The following COL4A5 variants were observed in gnomAD, a reference collection of about 807,000 sequenced individuals.
The protein encoded by COL4A5 is collagen alpha-5(IV) chain.
Under a neutral mutation model 130.2 loss-of-function variants are expected in COL4A5, and 26 were observed. That is an observed-to-expected ratio of 0.20 (90% CI 0.15 to 0.28). The LOEUF is 0.28. COL4A5 is among the 10% of genes least tolerant of loss of function. The pLI, the probability that COL4A5 is intolerant of heterozygous loss-of-function variation, is 1.00. For synonymous variants in COL4A5, 496 were observed against 439.6 expected (o/e 1.13, Z -1.60); for missense variants, 1,131 against 1,344.3 (o/e 0.84, Z 2.48).
In COL4A5 at chrX:108,625,707, C is replaced by T. The variant is rs769889339; in HGVS notation, c.3019C>T (p.Pro1007Ser). 8 of 1,190,081 alleles carry T rather than the reference C, an allele frequency of 6.7e-6. No individual in the cohort carries two copies. The South Asian group carries it at 1.1e-4, about 16-fold the overall frequency. The change falls in exon 35 of 53, where the codon CCC becomes TCC. Residue 1007 changes from proline to serine, a missense_variant and splice_region_variant. Transcript: ENST00000328300. ...GQPGLPGPPG[P>S]KGNPGLPGQP... ...TTTTACCAATTTGACCTTTCTAGGT[C>T]CCAAAGGTAACCCTGGTCTCCCTGG... is the stretch of plus-strand genomic sequence containing the variant.
At chrX:108,554,441 G>A (rs752264860) in intron 2 of COL4A5, among the ~76,000 whole-genome samples, 4 of 111,199 alleles carry the variant, frequency 3.6e-5, no homozygotes, top group Non-Finnish European at 7.5e-5. Flanking sequence ...GGGGAAACTG[G>A]CCCCATGATC....
rs1486934440 is a variant in COL4A5 at position 108,539,805 on chromosome X, G to T, written c.141G>T (p.Lys47Asn). 8.3e-7 allele frequency: 1 copy of T among 1,198,530 alleles called. No homozygotes were observed. The change falls in exon 2 of 53, where the codon AAG (lysine) becomes AAT (asparagine). Residue 47 changes from lysine (K) to asparagine (N), a missense_variant and splice_region_variant. Coordinates refer to ENST00000328300, the MANE Select transcript of COL4A5 (RefSeq NM_033380.3). ...KCDCSGIKGE[K>N]GERGFPGLEG... ...ACTGCAGTGGCATAAAAGGGGAAAA[G>T]GTGAGGTCTTAGATTGGCATTTGAA...
intron 9 of COL4A5, among the ~76,000 whole-genome samples, chrX:108,574,588 A>C (rs2066115292): frequency 8.9e-6 from 1 of 111,746 alleles, no homozygotes; most frequent in African/African-American, 3.2e-5. Context: ...ATATATTTCT[A>C]AGCAATAGAA....
At chrX:108,512,923 A>G (rs2065191804) in intron 1 of COL4A5, among the ~76,000 whole-genome samples, 1 of 110,957 alleles carries the variant, frequency 9.0e-6, no homozygotes, top group Admixed American at 9.6e-5. Context: ...ACTGGGGTTT[A>G]TTTCATCCCT....
At chrX:108,664,817 T>C (rs764703138) in intron 37 of COL4A5, among the ~76,000 whole-genome samples, 1 of 111,967 alleles carries the variant, frequency 8.9e-6, no homozygotes, top group Non-Finnish European at 1.9e-5. Context: ...AGGTGATCGA[T>C]GTCGTTAGCC....
At position 108,487,888 on chromosome X, in the gene COL4A5, C is replaced by A. The variant is rs547002875; in HGVS notation, c.81+47682C>A. 1.7e-4 allele frequency among the ~76,000 whole-genome samples: 19 copies of A among 112,140 alleles called. No individual in the cohort carries two copies. In the South Asian group the frequency reaches 7.1e-3, roughly 42 times the overall value. ...ATTTTGTGACTGAAATAAAATGGTA[C>A]CTTTCGTTCTTACCCTGCCCCAAGG... On this transcript the variant is annotated intron_variant, in intron 1 of 52. Coordinates refer to ENST00000328300, the MANE Select transcript of COL4A5 (RefSeq NM_033380.3).
chrX:108,493,564 T>A (rs911204452), intron 1 of COL4A5, among the ~76,000 whole-genome samples: 8 of 111,327 alleles, frequency 7.2e-5, no homozygotes, highest in African/African-American at 2.6e-4. Flanking sequence ...TGGTGAATCA[T>A]GTGTTAGTAG....
intron 9 of COL4A5, 59 bp from the exon 10 acceptor site, chrX:108,575,848 AAAT>A: frequency 1.2e-6 from 1 of 857,234 alleles, no homozygotes; most frequent in Non-Finnish European, 1.7e-6. Flanking sequence ...AAAAAAGAAA[AAAT>A]ACAATAAGGG....
chrX:108,467,214 G>T (rs937020843), intron 1 of COL4A5, among the ~76,000 whole-genome samples: 2 of 111,571 alleles, frequency 1.8e-5, no homozygotes, highest in Non-Finnish European at 3.8e-5. Flanking sequence ...TGGCATAGAG[G>T]TCCAACTTTA....
intron 36 of COL4A5, among the ~76,000 whole-genome samples, chrX:108,644,855 A>T (rs1268552408): frequency 9.5e-6 from 1 of 105,389 alleles, no homozygotes; most frequent in Admixed American, 1.0e-4. Context: ...AGCCGAGATT[A>T]TGCCACTGCA....
chrX:108,445,340 T>C (rs2064442041), intron 1 of COL4A5, among the ~76,000 whole-genome samples: 1 of 112,114 alleles, frequency 8.9e-6, no homozygotes, highest in African/African-American at 3.2e-5. Context: ...TGGATTCAAG[T>C]CTTTGCTCAA....
intron 2 of COL4A5, among the ~76,000 whole-genome samples, chrX:108,548,960 T>G (rs765712003): frequency 7.6e-4 from 84 of 109,994 alleles, no homozygotes; most frequent in African/African-American, 2.4e-3. Flanking sequence ...AGGCTTGCAT[T>G]AAAATAAATA....
chrX:108,524,738 T>A (rs1299980537), intron 1 of COL4A5, among the ~76,000 whole-genome samples: 1 of 111,711 alleles, frequency 9.0e-6, no homozygotes, highest in African/African-American at 3.2e-5. Context: ...CCTTGTCATT[T>A]GTTCTTTGAC....
At chrX:108,640,616 T>C (rs1236724855) in intron 36 of COL4A5, among the ~76,000 whole-genome samples, 1 of 111,396 alleles carries the variant, frequency 9.0e-6, no homozygotes, top group Non-Finnish European at 1.9e-5. Context: ...TGGATATGAG[T>C]ATAAGGTTTC....
intron 1 of COL4A5, among the ~76,000 whole-genome samples, chrX:108,468,074 T>TGTTTTGTATGTTTTA (rs1472735182): frequency 8.9e-6 from 1 of 111,896 alleles, no homozygotes; most frequent in East Asian, 2.8e-4. Context: ...TATATACATC[T>TGTTTTGTATGTTTTA]TATACACATA....
intron 17 of COL4A5, among the ~76,000 whole-genome samples, chrX:108,583,140 T>C (rs939499985): frequency 8.9e-6 from 1 of 112,203 alleles, no homozygotes; most frequent in Non-Finnish European, 1.9e-5. Flanking sequence ...TCACAGTCCA[T>C]GTTGCAGAAA....
At chrX:108,495,505 A>AC (rs1182723510) in intron 1 of COL4A5, among the ~76,000 whole-genome samples, 1 of 110,315 alleles carries the variant, frequency 9.1e-6, no homozygotes, top group Non-Finnish European at 1.9e-5. Context: ...GTTCAATAAA[A>AC]CCCCCCCAAA....
chrX:108,521,712 T>C (rs747911722), intron 1 of COL4A5, among the ~76,000 whole-genome samples: 10 of 111,686 alleles, frequency 9.0e-5, no homozygotes, highest in Non-Finnish European at 1.9e-4. Flanking sequence ...GGCTAACTTG[T>C]TAACTTTCAA....
intron 49 of COL4A5, among the ~76,000 whole-genome samples, chrX:108,688,556 C>T (rs1029736438): frequency 4.5e-5 from 5 of 110,889 alleles, no homozygotes; most frequent in African/African-American, 1.6e-4. Context: ...CTGCCTCAGC[C>T]TCCGAAGTAG....
Sources: gnomAD v4.1 joint callset for allele counts (sites outside exome capture counted in the v4.1 genomes callset) on GRCh38, gnomAD v4.1.1 for gene constraint, MANE v1.5 for transcripts, NCBI Gene and HGNC (gene_info 2026-07-23, HGNC 2026-07-21) for gene names.